The following TENM4 variants were observed in gnomAD, a reference collection of about 807,000 sequenced individuals.
TENM4 encodes the protein teneurin transmembrane protein 4.
A neutral mutation model predicts 243.3 loss-of-function variants in TENM4; 82 were observed. That is an observed-to-expected ratio of 0.34 (90% CI 0.28 to 0.40). The LOEUF is 0.40. TENM4 is among the 10% of genes least tolerant of loss of function. TENM4 has a pLI of 1.00. For synonymous variants in TENM4, 1,412 were observed against 1,456.3 expected (o/e 0.97, Z 0.69); for missense variants, 3,138 against 3,673.3 (o/e 0.85, Z 3.77).
intron 1 of TENM4, among the ~76,000 whole-genome samples, chr11:79,434,874 G>A (rs1489621337): frequency 3.9e-5 from 6 of 152,040 alleles, no homozygotes; most frequent in African/African-American, 1.2e-4. Flanking sequence ...AAACTACACA[G>A]TATGTACAAG....
chr11:79,337,184 C>T (rs1161419610), intron 1 of TENM4, among the ~76,000 whole-genome samples: 1 of 152,228 alleles, frequency 6.6e-6, no homozygotes, highest in Non-Finnish European at 1.5e-5. Context: ...ACAGCAATCA[C>T]TCAATAAATC....
At chr11:79,114,716 CT>C (rs1591293382) in intron 4 of TENM4, among the ~76,000 whole-genome samples, 2 of 152,174 alleles carry the variant, frequency 1.3e-5, no homozygotes, top group African/African-American at 4.8e-5. Flanking sequence ...ATTTATGTAA[CT>C]GATCCAGTTC....
At chr11:78,979,171 C>A (rs565939201) in intron 6 of TENM4, among the ~76,000 whole-genome samples, 2 of 152,224 alleles carry the variant, frequency 1.3e-5, no homozygotes, top group South Asian at 4.2e-4. Context: ...GCAGTGCCAG[C>A]CACTTGAGGA....
chr11:79,198,222 G>A (rs1863672595), intron 3 of TENM4, among the ~76,000 whole-genome samples: 2 of 152,226 alleles, frequency 1.3e-5, no homozygotes, highest in African/African-American at 2.4e-5. Context: ...ACTGTGTGAA[G>A]AACCACTGAG....
chr11:79,138,628 T>C (rs865844608), intron 4 of TENM4, among the ~76,000 whole-genome samples: 86 of 87,542 alleles, frequency 9.8e-4, no homozygotes, highest in Non-Finnish European at 1.4e-3. Context: ...ATAAAACATA[T>C]ATTATATTTA....
chr11:78,818,875 AT>A lies in TENM4; in HGVS notation c.1682-4481del, dbSNP rs1255497676. ...TTAAAAATTCAGCAGCCTATGAATAATTGGTTTTCATAATTGGGTATATGGC... is the reference window on the plus strand; with the variant it reads ...TTAAAAATTCAGCAGCCTATGAATAATGGTTTTCATAATTGGGTATATGGC... On this transcript the variant is annotated intron_variant, in intron 12 of 33. Coordinates refer to ENST00000278550, the MANE Select transcript of TENM4 (RefSeq NM_001098816.3). Among the ~76,000 whole-genome samples the A allele has an allele frequency of 7.2e-5, 11 of 152,052 alleles. No individual in the cohort carries two copies. In the East Asian group the frequency reaches 1.9e-3, roughly 27 times the overall value.
chr11:78,930,125 C>G (rs986161301), intron 6 of TENM4, among the ~76,000 whole-genome samples: 4 of 152,186 alleles, frequency 2.6e-5, no homozygotes, highest in Non-Finnish European at 5.9e-5. Context: ...TGGTTAAATG[C>G]TAAGCTTGTG....
intron 16 of TENM4, among the ~76,000 whole-genome samples, chr11:78,783,065 TCTTTA>T (rs1856869102): frequency 1.3e-5 from 2 of 152,348 alleles, no homozygotes; most frequent in East Asian, 1.9e-4. Context: ...ACAGGTGTTT[TCTTTA>T]CTTTAGAGAC....
chr11:79,291,944 C>G (rs1856364052), intron 2 of TENM4, among the ~76,000 whole-genome samples: 1 of 152,118 alleles, frequency 6.6e-6, no homozygotes, highest in Non-Finnish European at 1.5e-5. Context: ...CAAATTGAGC[C>G]CTGGTGCTGG....
chr11:78,850,466 C>G (rs755722291), intron 12 of TENM4, among the ~76,000 whole-genome samples: 11 of 152,128 alleles, frequency 7.2e-5, no homozygotes, highest in Non-Finnish European at 1.6e-4. Flanking sequence ...TTCACTAAAA[C>G]AAGACCTAAA....
At chr11:78,860,907 C>G (rs1858803523) in intron 10 of TENM4, among the ~76,000 whole-genome samples, 1 of 152,240 alleles carries the variant, frequency 6.6e-6, no homozygotes, top group Non-Finnish European at 1.5e-5. Flanking sequence ...ATCTGCACCT[C>G]CTGTTCCTTA....
Position 78,805,277 on chromosome 11 carries a change from T to TCCCCACC in TENM4, c.2179+14_2179+15insGGTGGGG. The TCCCCACC allele has an allele frequency of 2.9e-6, 4 of 1,402,548 alleles. No homozygotes were observed. Among genetic ancestry groups the TCCCCACC allele is most frequent in the Non-Finnish European group, 2.9e-6 (3 of 1,033,114 alleles). 86.9% of individuals were successfully genotyped at this position (1,402,548 alleles called of 1,614,324 possible). ...CCCCTCCCTCTACCCATGCTTCTTCTCCCCCTGCATTTACCGATAGAACAG... is the reference window on the plus strand; with the variant it reads ...CCCCTCCCTCTACCCATGCTTCTTCTCCCCACCCCCCCTGCATTTACCGATAGAACAG... On this transcript the variant is annotated intron_variant, in intron 15 of 33. Transcript: ENST00000278550.
intron 6 of TENM4, among the ~76,000 whole-genome samples, chr11:79,044,366 A>G (rs1859608940): frequency 6.6e-6 from 1 of 152,220 alleles, no homozygotes; most frequent in South Asian, 2.1e-4. Context: ...AATCTAGCTA[A>G]TCAGGTCAGA....
chr11:78,908,425 C>A (rs1182004968), intron 6 of TENM4, among the ~76,000 whole-genome samples: 1 of 152,172 alleles, frequency 6.6e-6, no homozygotes. Context: ...ACAATAAAGT[C>A]ATGTTGAATG....
rs775746851 is a variant in TENM4 at position 78,688,151 on chromosome 11, G to C, written c.5163C>G (p.Asp1721Glu). 7 of 1,613,852 alleles carry C rather than the reference G, an allele frequency of 4.3e-6. No individual in the cohort carries two copies. In the South Asian group the frequency reaches 7.7e-5, roughly 18 times the overall value. Reference protein sequence around the residue: ...GQVSSFRSDTDSSVHVQVETS... With the variant: ...GQVSSFRSDTESSVHVQVETS... ...TCTCTACCTGGACATGCACTGAACT[G>C]TCTGTATCACTTCGGAAACTGCTCA... The change falls in exon 29 of 34, where the codon GAC (aspartate) becomes GAG (glutamate). Residue 1721 changes from aspartate (D) to glutamate (E), a missense_variant. By Grantham distance (45) the Asp-to-Glu change is conservative. Coordinates refer to ENST00000278550, the MANE Select transcript of TENM4 (RefSeq NM_001098816.3).
intron 19 of TENM4, 54 bp from the exon 20 acceptor site, chr11:78,738,624 T>C (rs1402323801): frequency 6.4e-7 from 1 of 1,573,054 alleles, no homozygotes; most frequent in Non-Finnish European, 8.6e-7. Flanking sequence ...GTCAGAGCCC[T>C]GGCTGGCAGG....
At chr11:78,797,427 C>A (rs1270068491) in intron 15 of TENM4, among the ~76,000 whole-genome samples, 1 of 152,182 alleles carries the variant, frequency 6.6e-6, no homozygotes, top group Non-Finnish European at 1.5e-5. Flanking sequence ...TCAGCTTGGG[C>A]ATCCAAATAG....
chr11:78,991,243 A>G lies in TENM4; in HGVS notation c.493+73495T>C, dbSNP rs141846960. On this transcript the variant is annotated intron_variant, in intron 6 of 33. Transcript: ENST00000278550. ...CTGAGAAACACTGGTAGAATATTTA[A>G]AATAAAAGTTTTACAATGTCTCTAT... 1.7e-3 allele frequency among the ~76,000 whole-genome samples: 259 copies of G among 152,280 alleles called. 2 individuals are homozygous for G. The highest frequency in any genetic ancestry group is 0.015 in the Admixed American group (222 of 15,292).
Position 78,669,675 on chromosome 11 carries a change from G to T in TENM4, c.6670C>A (p.His2224Asn). The T allele has an allele frequency of 6.2e-7, 1 of 1,614,024 alleles. No homozygotes were observed. Among genetic ancestry groups the T allele is most frequent in the African/African-American group, 1.3e-5 (1 of 75,048 alleles). The change falls in exon 32 of 34, where the codon CAC (histidine) becomes AAC (asparagine). Residue 2224 changes from histidine to asparagine, a missense_variant. By Grantham distance (68) the His-to-Asn change is moderately conservative. Around this residue, in one of 2 missense-constraint regions of TENM4, gnomAD observed 2,467 missense variants for 3,059.1 expected, o/e 0.81. Transcript: ENST00000278550. The surrounding 1 kb of genome is among the most constrained non-coding windows in gnomAD (Gnocchi z 6.4). ...RYSYDLNGNL[H>N]LLSPGNSARL... is the part of the protein sequence containing the mutation. ...GCACTGTTCCCAGGGCTCAGTAAGT[G>T]CAGGTTCCCATTGAGGTCGTAGCTG...
Sources: allele counts gnomAD v4.1 joint callset (sites outside exome capture counted in the v4.1 genomes callset), GRCh38; gene constraint gnomAD v4.1.1; regional missense constraint gnomAD v4.1.1; non-coding constraint Gnocchi (gnomAD v3.1); transcripts MANE v1.5; gene names NCBI Gene and HGNC (gene_info 2026-07-23, HGNC 2026-07-21).